The following CTNNA3 variants were observed in gnomAD, a reference collection of about 807,000 sequenced individuals.
CTNNA3 encodes the protein catenin alpha 3, also known as catenin alpha-3.
CTNNA3 carries 76 observed loss-of-function variants against 95.7 expected under a neutral mutation model. The observed-to-expected ratio is 0.79, with a 90% CI of 0.66 to 0.96. CTNNA3 has a LOEUF of 0.96. Among genes scored for constraint, CTNNA3 ranks in the 40% least tolerant of loss-of-function variants. The pLI, the probability that CTNNA3 is intolerant of heterozygous loss-of-function variation, is 0.00. For missense variants in CTNNA3, 1,191 were observed against 1,089.8 expected (o/e 1.09, Z -1.31); for synonymous variants, 431 against 374.4 (o/e 1.15, Z -1.74).
intron 13 of CTNNA3, among the ~76,000 whole-genome samples, chr10:66,164,711 A>C (rs2085034122): frequency 6.6e-6 from 1 of 152,178 alleles, no homozygotes; most frequent in Admixed American, 6.6e-5. Context: ...GTTGTGTTCT[A>C]TGTGAAATTT....
intron 11 of CTNNA3, among the ~76,000 whole-genome samples, chr10:66,392,234 T>A (rs576259282): frequency 6.6e-6 from 1 of 151,866 alleles, no homozygotes; most frequent in South Asian, 2.1e-4. Context: ...TTTGAGACCA[T>A]CCTGGCCAGT....
chr10:66,869,668 G>A (rs1263211018), intron 7 of CTNNA3, among the ~76,000 whole-genome samples: 1 of 152,068 alleles, frequency 6.6e-6, no homozygotes, highest in South Asian at 2.1e-4. Context: ...GGTCAGGTTG[G>A]AGATTATTTG....
chr10:67,152,015 G>A (rs976072153), intron 7 of CTNNA3, among the ~76,000 whole-genome samples: 4 of 152,104 alleles, frequency 2.6e-5, no homozygotes, highest in Non-Finnish European at 4.4e-5. Flanking sequence ...CCTTGATGTG[G>A]TCTTTAATTT....
At chr10:67,431,704 A>G (rs1273782713) in intron 5 of CTNNA3, among the ~76,000 whole-genome samples, 1 of 151,988 alleles carries the variant, frequency 6.6e-6, no homozygotes, top group Non-Finnish European at 1.5e-5. Flanking sequence ...ACCAAGATGA[A>G]CAAATCTCCT....
In CTNNA3 at chr10:66,646,500, G is replaced by C. The variant is rs185879629; in HGVS notation, c.1282-24716C>G. Among the ~76,000 whole-genome samples, 275 of 152,170 alleles carry C rather than the reference G, an allele frequency of 1.8e-3. 1 individual carries two copies. The highest frequency in any genetic ancestry group is 6.1e-3 in the African/African-American group (254 of 41,518). On this transcript the variant is annotated intron_variant, in intron 9 of 17. Transcript: ENST00000433211. The stretch of plus-strand genomic sequence containing the variant: ...TAGGGAGTAGAAGACTGTCAATAAA[G>C]ACATGTCTGTATGGAAATACAGACA...
chr10:67,607,139 C>G (rs1843305035), intron 2 of CTNNA3, 90 bp from the exon 3 acceptor site: 1 of 1,051,756 alleles, frequency 9.5e-7, no homozygotes, highest in Non-Finnish European at 1.4e-6. Flanking sequence ...AAAGACAGTA[C>G]AGTTGACACT....
At chr10:66,751,867 T>C (rs1422299869) in intron 9 of CTNNA3, among the ~76,000 whole-genome samples, 3 of 152,158 alleles carry the variant, frequency 2.0e-5, no homozygotes, top group Non-Finnish European at 2.9e-5. Flanking sequence ...ATTTATGTAG[T>C]ATAAAAATAG....
At chr10:67,636,447 G>C (rs1257479526) in intron 2 of CTNNA3, among the ~76,000 whole-genome samples, 1 of 152,152 alleles carries the variant, frequency 6.6e-6, no homozygotes. Flanking sequence ...AACCAAAACA[G>C]CATGGTACTG....
chr10:67,757,549 G>A (rs971837224), intron 1 of CTNNA3, among the ~76,000 whole-genome samples: 7 of 152,224 alleles, frequency 4.6e-5, no homozygotes, highest in Admixed American at 2.0e-4. Context: ...GGAAAGAACA[G>A]ACTTGCTGAG....
intron 12 of CTNNA3, among the ~76,000 whole-genome samples, chr10:66,333,071 A>T (rs1190432391): frequency 6.6e-6 from 1 of 151,428 alleles, no homozygotes; most frequent in Non-Finnish European, 1.5e-5. Flanking sequence ...ATCGGTGGTG[A>T]TATCCCCTTT....
At chr10:66,784,617 TA>T (rs1840667875) in intron 7 of CTNNA3, among the ~76,000 whole-genome samples, 1 of 152,140 alleles carries the variant, frequency 6.6e-6, no homozygotes, top group African/African-American at 2.4e-5. Flanking sequence ...TTTATTTCAT[TA>T]AAAAACTTTA....
At chr10:67,103,016 A>C (rs1397342109) in intron 7 of CTNNA3, among the ~76,000 whole-genome samples, 1 of 151,726 alleles carries the variant, frequency 6.6e-6, no homozygotes, top group Non-Finnish European at 1.5e-5. Flanking sequence ...AATATCCTTG[A>C]AGTTACTATT....
chr10:67,083,753 C>G (rs907728500), intron 7 of CTNNA3, among the ~76,000 whole-genome samples: 2 of 152,074 alleles, frequency 1.3e-5, no homozygotes, highest in East Asian at 3.9e-4. Flanking sequence ...AAATAAACAG[C>G]CAAGGCATTC....
At position 67,209,237 on chromosome 10, in the gene CTNNA3, C is replaced by T. The variant is rs199605988; in HGVS notation, c.843+10370G>A. The stretch of plus-strand genomic sequence containing the variant: ...CTAATTTTTGTATTTTTAGTAGAGA[C>T]GGGGTTTCACTATGTTGGCCAGGCT... On this transcript the variant is annotated intron_variant, in intron 6 of 17. Transcript: ENST00000433211. 2.0e-4 allele frequency among the ~76,000 whole-genome samples: 31 copies of T among 152,084 alleles called. No homozygotes were observed. The South Asian group carries it at 4.4e-3, about 21-fold the overall frequency.
intron 12 of CTNNA3, among the ~76,000 whole-genome samples, chr10:66,329,755 T>C (rs781588589): frequency 1.3e-5 from 2 of 152,040 alleles, no homozygotes; most frequent in Non-Finnish European, 2.9e-5. Flanking sequence ...ACTTGAATAG[T>C]TTCTAGTGTT....
At position 67,117,614 on chromosome 10, in the gene CTNNA3, A is replaced by T. The variant is rs575547162; in HGVS notation, c.1047+62703T>A. Among the ~76,000 whole-genome samples the T allele has an allele frequency of 4.3e-3, 658 of 152,186 alleles. 19 individuals are homozygous for T. Among genetic ancestry groups the T allele is most frequent in the Middle Eastern group, 0.031 (9 of 294 alleles). On this transcript the variant is annotated intron_variant, in intron 7 of 17. Transcript: ENST00000433211. ...GACAAGTGTATAAATATTGTTTGAAATTTTTTTAAAAAATGAACATTCAAG... is the reference window on the plus strand; with the variant it reads ...GACAAGTGTATAAATATTGTTTGAATTTTTTTTAAAAAATGAACATTCAAG...
intron 5 of CTNNA3, among the ~76,000 whole-genome samples, chr10:67,474,674 A>C (rs957127828): frequency 3.3e-5 from 5 of 152,216 alleles, no homozygotes; most frequent in Non-Finnish European, 7.4e-5. Flanking sequence ...AAGATTATTA[A>C]CATAGTCATT....
At chr10:66,337,481 A>G (rs1040050975) in intron 12 of CTNNA3, among the ~76,000 whole-genome samples, 5 of 152,072 alleles carry the variant, frequency 3.3e-5, no homozygotes, top group African/African-American at 4.8e-5. Flanking sequence ...TCTTTTTGGG[A>G]AAGAAATCTG....
intron 1 of CTNNA3, among the ~76,000 whole-genome samples, chr10:67,671,757 CGTT>C (rs1246693911): frequency 6.6e-6 from 1 of 151,368 alleles, no homozygotes; most frequent in Non-Finnish European, 1.5e-5. Flanking sequence ...TCCAGTCTAT[CGTT>C]GTTGGACATT....
Sources: allele counts gnomAD v4.1 joint callset (sites outside exome capture counted in the v4.1 genomes callset), GRCh38; gene constraint gnomAD v4.1.1; transcripts MANE v1.5; gene names NCBI Gene and HGNC (gene_info 2026-07-23, HGNC 2026-07-21).